APBA2: variants seen among roughly 807,000 people sequenced by gnomAD.
The protein encoded by APBA2 is amyloid-beta A4 precursor protein-binding family A member 2.
APBA2 carries 30 observed loss-of-function variants against 75.0 expected under a neutral mutation model. That is an observed-to-expected ratio of 0.40 (90% CI 0.30 to 0.54). The LOEUF is 0.54. APBA2 is among the 20% of genes least tolerant of loss of function. The pLI is 0.49. For synonymous variants in APBA2, 444 were observed against 409.6 expected (o/e 1.08, Z -1.01); for missense variants, 801 against 1,016.1 (o/e 0.79, Z 2.88).
intron 3 of APBA2, among the ~76,000 whole-genome samples, chr15:29,023,979 C>T (rs1380823358): frequency 6.6e-6 from 1 of 151,238 alleles, no homozygotes; most frequent in Non-Finnish European, 1.5e-5. Context: ...TCTCGGCTCA[C>T]TGCAACCTCC....
intron 3 of APBA2, among the ~76,000 whole-genome samples, chr15:29,024,199 C>T (rs1050909789): frequency 5.9e-5 from 9 of 152,102 alleles, no homozygotes; most frequent in African/African-American, 2.2e-4. Flanking sequence ...CCACTGTGCC[C>T]GGCCTTTTTT....
intron 3 of APBA2, among the ~76,000 whole-genome samples, chr15:29,034,501 G>A (rs1595785722): frequency 1.3e-5 from 2 of 152,234 alleles, no homozygotes; most frequent in Non-Finnish European, 2.9e-5. Flanking sequence ...TTAATAAAGA[G>A]TGGGGCTTGG....
At position 29,045,352 on chromosome 15, in the gene APBA2, A is replaced by G. The variant is rs370297199; in HGVS notation, c.-40-8493A>G. On this transcript the variant is annotated intron_variant, in intron 3 of 14. Transcript: ENST00000683413. ...TGATCTGCCAGCCTCGGCCTCCCAA[A>G]GTGTTGGGATTACAGGCATGAGCCA... 5.3e-5 allele frequency among the ~76,000 whole-genome samples: 8 copies of G among 151,432 alleles called. 1 individual carries two copies. The East Asian group carries it at 1.6e-3, about 30-fold the overall frequency.
At chr15:28,901,398 G>C (rs1278176404) in intron 1 of APBA2, among the ~76,000 whole-genome samples, 6 of 152,152 alleles carry the variant, frequency 3.9e-5, no homozygotes, top group Non-Finnish European at 7.3e-5. Flanking sequence ...CTTGGGCCAG[G>C]CTCTCTCTAT....
At chr15:29,065,860 G>A (rs1222197709) in intron 4 of APBA2, among the ~76,000 whole-genome samples, 1 of 152,212 alleles carries the variant, frequency 6.6e-6, no homozygotes, top group East Asian at 1.9e-4. Context: ...TCACTTCTGG[G>A]TCTGTCCCAC....
intron 2 of APBA2, among the ~76,000 whole-genome samples, chr15:28,984,521 C>T (rs559762376): frequency 2.6e-5 from 4 of 152,076 alleles, no homozygotes; most frequent in Non-Finnish European, 4.4e-5. Flanking sequence ...GTGGTTTCCT[C>T]TCAAGTGCCA....
At position 28,886,048 on chromosome 15, in the gene APBA2, ATGCGCCCCGCAGCCGCGCCGCG is replaced by A. The variant is rs2031690693; in HGVS notation, c.-427_-406del. ...CCCGGCAGCCGCAGGCCGGTGCGGG[ATGCGCCCCGCAGCCGCGCCGCG>A]TGCGCCCGGCAGAGGCGGCCCTGCG... is the stretch of plus-strand genomic sequence containing the variant. On this transcript the variant is annotated 5_prime_UTR_variant, in exon 1 of 15. It removes the in-frame stop codon of an upstream open reading frame in the 5' UTR. Coordinates refer to ENST00000683413, the MANE Select transcript of APBA2 (RefSeq NM_001353788.2). 1 of 148,072 alleles carries A rather than the reference ATGCGCCCCGCAGCCGCGCCGCG, an allele frequency of 6.8e-6. No individual in the cohort carries two copies. The highest frequency in any genetic ancestry group is 6.7e-5 in the Admixed American group (1 of 14,946). The allele number at this position is 148,072 out of a possible 1,614,324, so 9.2% of individuals were successfully genotyped here. A position where few individuals can be genotyped will look rare whatever the true frequency, so the allele number is the denominator to read the frequency against.
rs573803739 is a variant in APBA2 at position 29,041,741 on chromosome 15, TA to T, written c.-40-12098del. ...TCCCAATCAAATTTCCAGCAGGATT[TA>T]AAAAACTAGATATTGATAATGGGAT... On this transcript the variant is annotated intron_variant, in intron 3 of 14. Coordinates refer to ENST00000683413, the MANE Select transcript of APBA2 (RefSeq NM_001353788.2). Among the ~76,000 whole-genome samples the T allele has an allele frequency of 1.7e-3, 262 of 152,200 alleles. 1 individual carries two copies. The highest frequency in any genetic ancestry group is 6.3e-3 in the African/African-American group (260 of 41,526).
chr15:29,067,428 A>C (rs2042425753), intron 4 of APBA2, among the ~76,000 whole-genome samples: 1 of 152,132 alleles, frequency 6.6e-6, no homozygotes, highest in South Asian at 2.1e-4. Flanking sequence ...GGGAGGTTTC[A>C]GGAGGACATT....
At chr15:29,091,351 T>C (rs1734227039) in intron 6 of APBA2, among the ~76,000 whole-genome samples, 1 of 152,102 alleles carries the variant, frequency 6.6e-6, no homozygotes, top group African/African-American at 2.4e-5. Flanking sequence ...GACCCACTAC[T>C]GCCCAGGAAA....
intron 3 of APBA2, among the ~76,000 whole-genome samples, chr15:29,053,576 T>C (rs2041712040): frequency 6.6e-6 from 1 of 152,104 alleles, no homozygotes; most frequent in Non-Finnish European, 1.5e-5. Context: ...GCCGGTAGGT[T>C]CCTGGGGAGA....
chr15:29,076,239 C>T (rs2042844997), intron 6 of APBA2, 148 bp downstream of exon 6: 1 of 881,522 alleles, frequency 1.1e-6, no homozygotes, highest in South Asian at 1.3e-5. Context: ...TCTGTTTGAA[C>T]ACTGTGTAGC....
intron 6 of APBA2, among the ~76,000 whole-genome samples, chr15:29,085,653 C>T (rs1398160671): frequency 6.6e-6 from 1 of 151,970 alleles, no homozygotes; most frequent in Non-Finnish European, 1.5e-5. Context: ...TATTGGTGCT[C>T]AAGTTTTCTA....
At chr15:28,976,877 T>C (rs2037363990) in intron 2 of APBA2, among the ~76,000 whole-genome samples, 1 of 152,206 alleles carries the variant, frequency 6.6e-6, no homozygotes, top group South Asian at 2.1e-4. Context: ...GAGCAATTAA[T>C]ATAAGACTGA....
intron 1 of APBA2, among the ~76,000 whole-genome samples, chr15:28,908,986 CT>C (rs558056022): frequency 2.4e-3 from 310 of 131,858 alleles, no homozygotes; most frequent in East Asian, 4.8e-3. Flanking sequence ...ATTTTACTTC[CT>C]TTTTTTTTTT....
intron 4 of APBA2, among the ~76,000 whole-genome samples, chr15:29,066,595 A>C (rs1195406522): frequency 6.6e-6 from 1 of 151,944 alleles, no homozygotes; most frequent in African/African-American, 2.4e-5. Flanking sequence ...GCAGAGGTTC[A>C]GTTGTGAAGA....
At chr15:28,988,709 T>C (rs2038059032) in intron 2 of APBA2, among the ~76,000 whole-genome samples, 1 of 152,198 alleles carries the variant, frequency 6.6e-6, no homozygotes, top group Admixed American at 6.5e-5. Flanking sequence ...GGATGCTTAG[T>C]TGGGTTCCTG....
chr15:28,931,321 C>G (rs927350524), intron 2 of APBA2, among the ~76,000 whole-genome samples: 1 of 152,212 alleles, frequency 6.6e-6, no homozygotes, highest in Non-Finnish European at 1.5e-5. Flanking sequence ...GTCGGTCCCC[C>G]TGTAGCTCCT....
intron 2 of APBA2, among the ~76,000 whole-genome samples, chr15:28,968,399 G>A (rs907138570): frequency 6.6e-6 from 1 of 152,150 alleles, no homozygotes; most frequent in Non-Finnish European, 1.5e-5. Context: ...TTACAAACAC[G>A]TGTGGAAGAC....
Sources: allele counts gnomAD v4.1 joint callset (sites outside exome capture counted in the v4.1 genomes callset), GRCh38; gene constraint gnomAD v4.1.1; transcripts MANE v1.5; gene names NCBI Gene and HGNC (gene_info 2026-07-23, HGNC 2026-07-21).